Variants in TFB1M observed in about 807,000 individuals in gnomAD.
The protein encoded by TFB1M is transcription factor B1, mitochondrial, also known as dimethyladenosine transferase 1, mitochondrial.
A neutral mutation model predicts 31.1 loss-of-function variants in TFB1M; 27 were observed. That is an observed-to-expected ratio of 0.87 (90% confidence interval 0.64 to 1.20). The LOEUF (loss-of-function observed/expected upper bound fraction) is 1.20. Ranked by LOEUF, TFB1M falls within the 50% of genes most tolerant of loss-of-function variation. The pLI, the probability that TFB1M is intolerant of heterozygous loss-of-function variation, is 0.00. For synonymous variants in TFB1M, 166 were observed against 151.8 expected (o/e 1.09, Z -0.69); for missense variants, 394 against 418.7 (o/e 0.94, Z 0.51).
chr6:155,251,151 A>G (rs1460766971), downstream of TFB1M: 10 of 742,034 alleles, frequency 1.3e-5, no homozygotes, highest in East Asian at 2.3e-4. Flanking sequence ...TGGGGACTTA[A>G]CAGGGCCAGC....
chr6:155,282,395 C>T (rs324350), intron 5 of TFB1M, among the ~76,000 whole-genome samples: 87,165 of 152,014 alleles, frequency 0.57, 25,812 homozygotes, highest in East Asian at 0.84. Context: ...ACAGAAGGGA[C>T]AGCAGACTCT....
chr6:155,263,880 G>A (rs1784501051), intron 5 of TFB1M: 1 of 150,424 alleles, frequency 6.6e-6, no homozygotes, highest in Non-Finnish European at 1.5e-5. Flanking sequence ...ATGAAAAAAT[G>A]ATGAGGAAGT....
the TFB1M span, chr6:155,248,061 C>T: frequency 6.2e-6 from 10 of 1,614,138 alleles, no homozygotes; most frequent in African/African-American, 1.3e-5. Context: ...AGCAGCATTC[C>T]TCCACGCTGG....
At chr6:155,239,719 C>T in the TFB1M span, among the ~76,000 whole-genome samples, 1 of 152,186 alleles carries the variant, frequency 6.6e-6, no homozygotes, top group Non-Finnish European at 1.5e-5. Context: ...GCGAGTATTT[C>T]CTCTGAGCCC....
Position 155,257,869 on chromosome 6 carries a change from T to TTTTTC in TFB1M, c.1003_1007dup (p.Glu337LysfsTer34). ...TGTAATTCTCTGCGTCATCCTCTTC[T>TTTTTC]TTTTCTTCATTTTTGCTTTTTCTTC... On this transcript the variant is annotated frameshift_variant, in exon 7 of 7. Coordinates refer to ENST00000367166, the MANE Select transcript of TFB1M (RefSeq NM_016020.4). LOFTEE classifies it low-confidence loss of function (END_TRUNC). 6.2e-7 allele frequency: 1 copy of TTTTTC among 1,614,184 alleles called. No homozygotes were observed. Among genetic ancestry groups the TTTTTC allele is most frequent in the Non-Finnish European group, 8.5e-7 (1 of 1,179,998 alleles).
chr6:155,275,027 G>A (rs1583328700), intron 5 of TFB1M, among the ~76,000 whole-genome samples: 1 of 151,758 alleles, frequency 6.6e-6, no homozygotes, highest in East Asian at 1.9e-4. Flanking sequence ...GACCATCCTG[G>A]CTAACAGGGT....
At chr6:155,250,553 T>C in the TFB1M span, 2 of 1,535,834 alleles carry the variant, frequency 1.3e-6, no homozygotes, top group Non-Finnish European at 1.7e-6. Context: ...CGAATGGAGC[T>C]CAGAGGTGAT....
chr6:155,308,373 T>C (rs1473250624), intron 2 of TFB1M, among the ~76,000 whole-genome samples: 1 of 152,192 alleles, frequency 6.6e-6, no homozygotes, highest in Non-Finnish European at 1.5e-5. Context: ...GATCAGTCAT[T>C]AATCACCAGA....
At position 155,314,218 on chromosome 6, in the gene TFB1M, G is replaced by A. The variant is rs748268367; in HGVS notation, c.133+78C>T. ...CGCCAGTGCCTGGACACCCGCCCGC[G>A]GGGACGTGCAAGACCCCCCGGCCCA... On this transcript the variant is annotated intron_variant, in intron 1 of 6. Transcript: ENST00000367166. The A allele has an allele frequency of 4.9e-5, 78 of 1,584,776 alleles. No homozygotes were observed. In the South Asian group the frequency reaches 8.0e-4, roughly 16 times the overall value.
In TFB1M at chr6:155,311,256, T is replaced by C. The variant is rs1265895104; in HGVS notation, c.217A>G (p.Ile73Val). ...GPGPGGITRS[I>V]LNADVAELLV... is the part of the protein sequence containing the mutation. ...AGTTCAGCGACGTCGGCATTAAGAA[T>C]AGATCTTGTGATTCCCCCTGGCCCA... Residue 73 changes from isoleucine to valine, a missense_variant, in exon 2 of 7, where the codon ATT (isoleucine) becomes GTT (valine). This residue lies in a region of TFB1M where 273 missense variants were observed against 256.4 expected (regional missense o/e 1.06). Transcript: ENST00000367166. 3 of 1,614,050 alleles carry C rather than the reference T, an allele frequency of 1.9e-6. No individual in the cohort carries two copies. Among genetic ancestry groups the C allele is most frequent in the African/African-American group, 1.3e-5 (1 of 74,940 alleles).
chr6:155,264,191 C>T (rs9480098), intron 5 of TFB1M: 47,593 of 151,806 alleles, frequency 0.31, 8,212 homozygotes, highest in East Asian at 0.65. Context: ...GCTTGGTTTC[C>T]CCACCCTCCA....
chr6:155,279,574 C>T (rs1031111221), intron 5 of TFB1M, among the ~76,000 whole-genome samples: 1 of 152,168 alleles, frequency 6.6e-6, no homozygotes, highest in Non-Finnish European at 1.5e-5. Context: ...AATGTTTTCT[C>T]ATATGTCTTT....
chr6:155,280,334 G>A (rs1436699890), intron 5 of TFB1M, among the ~76,000 whole-genome samples: 2 of 152,146 alleles, frequency 1.3e-5, no homozygotes, highest in African/African-American at 4.8e-5. Context: ...TGCCTCTACT[G>A]GGAAGTGACT....
At chr6:155,235,613 C>A in the TFB1M span, among the ~76,000 whole-genome samples, 1 of 152,198 alleles carries the variant, frequency 6.6e-6, no homozygotes, top group African/African-American at 2.4e-5. Flanking sequence ...TACTCTTCTC[C>A]TTTTGGGGGC....
At chr6:155,301,011 C>T (rs1183975570) in intron 2 of TFB1M, among the ~76,000 whole-genome samples, 1 of 151,976 alleles carries the variant, frequency 6.6e-6, no homozygotes, top group Non-Finnish European at 1.5e-5. Context: ...CACCATGTTG[C>T]CCAGGCTGGT....
chr6:155,245,911 G>A, the TFB1M span, among the ~76,000 whole-genome samples: 2 of 152,142 alleles, frequency 1.3e-5, no homozygotes, highest in Non-Finnish European at 2.9e-5. Context: ...CAGTTAATTA[G>A]TAGCTGGGAA....
intron 2 of TFB1M, among the ~76,000 whole-genome samples, chr6:155,304,576 C>T (rs937542588): frequency 6.6e-6 from 1 of 152,074 alleles, no homozygotes; most frequent in Admixed American, 6.6e-5. Context: ...GAAACACGAA[C>T]AAAGCTACTG....
chr6:155,281,572 C>T (rs1473979602), intron 5 of TFB1M, among the ~76,000 whole-genome samples: 1 of 151,712 alleles, frequency 6.6e-6, no homozygotes, highest in African/African-American at 2.4e-5. Context: ...AAATACAAAA[C>T]TTAGCGGGGC....
downstream of TFB1M, chr6:155,253,891 G>A (rs1408039642): frequency 9.8e-7 from 1 of 1,021,944 alleles, no homozygotes; most frequent in Non-Finnish European, 1.5e-6. Flanking sequence ...CTTAACTGAT[G>A]AGATTTCAAC....
Sources: allele counts gnomAD v4.1 joint callset (sites outside exome capture counted in the v4.1 genomes callset), GRCh38; gene constraint gnomAD v4.1.1; regional missense constraint gnomAD v4.1.1; transcripts MANE v1.5; gene names NCBI Gene and HGNC (gene_info 2026-07-23, HGNC 2026-07-21).